The following CA10 variants were observed in gnomAD, a reference collection of about 807,000 sequenced individuals.
CA10 encodes the protein carbonic anhydrase-related protein 10.
CA10 carries 14 observed loss-of-function variants against 44.2 expected under a neutral mutation model. The ratio of observed to expected loss-of-function variants is 0.32; its 90% CI spans 0.21 to 0.50. CA10 has a LOEUF of 0.50. Ranked by LOEUF, CA10 falls within the 20% of genes least tolerant of loss-of-function variation. CA10 has a pLI of 0.99. For synonymous variants in CA10, 159 were observed against 141.6 expected (o/e 1.12, Z -0.87); for missense variants, 350 against 409.7 (o/e 0.85, Z 1.26).
rs58984767 is a variant in CA10, at chr17:52,072,678, T to TACACACACACACACAC, written c.62-301_62-286dup. Among the ~76,000 whole-genome samples the TACACACACACACACAC allele has an allele frequency of 8.6e-3, 1,204 of 140,156 alleles. 24 individuals are homozygous for TACACACACACACACAC. The highest frequency in any genetic ancestry group is 0.03 in the African/African-American group (1,107 of 37,136). 91.9% of individuals were successfully genotyped at this position (140,156 alleles called of 152,430 possible). A position where few individuals can be genotyped will look rare whatever the true frequency, so the allele number is the denominator to read the frequency against. On this transcript the variant is annotated intron_variant, in intron 1 of 8. Transcript: ENST00000451037. ...CTACCTGTCCTCATCATCTTCCCCATACACACACACACACACACACACACA... is the reference window on the plus strand; with the variant it reads ...CTACCTGTCCTCATCATCTTCCCCATACACACACACACACACACACACACACACACACACACACACA...
intron 3 of CA10, among the ~76,000 whole-genome samples, chr17:51,898,117 T>A (rs1250139094): frequency 1.3e-5 from 2 of 152,154 alleles, no homozygotes; most frequent in African/African-American, 2.4e-5. Context: ...ATAGAAGTGG[T>A]GAGGCTGGAC....
At chr17:51,922,958 A>G (rs935511236) in intron 3 of CA10, among the ~76,000 whole-genome samples, 3 of 152,210 alleles carry the variant, frequency 2.0e-5, no homozygotes, top group African/African-American at 7.2e-5. Flanking sequence ...TCTCCTGGAA[A>G]GGATATAATT....
chr17:52,010,400 A>G (rs1353187622), intron 2 of CA10, among the ~76,000 whole-genome samples: 5 of 151,986 alleles, frequency 3.3e-5, no homozygotes, highest in African/African-American at 7.2e-5. Context: ...GTGTGTGTGT[A>G]TGTGTATGTA....
intron 2 of CA10, among the ~76,000 whole-genome samples, chr17:52,034,548 G>T (rs994934729): frequency 6.6e-6 from 1 of 152,150 alleles, no homozygotes; most frequent in African/African-American, 2.4e-5. Context: ...ATCTGATAGA[G>T]CTGGGGGATG....
chr17:51,762,234 T>C (rs1304172374), intron 3 of CA10: 1 of 152,274 alleles, frequency 6.6e-6, no homozygotes, highest in Admixed American at 6.5e-5. Flanking sequence ...GGTGAGCTGC[T>C]GTATTGGCTG....
chr17:51,674,770 C>T (rs1914556662), intron 4 of CA10, among the ~76,000 whole-genome samples: 2 of 152,114 alleles, frequency 1.3e-5, no homozygotes, highest in African/African-American at 4.8e-5. Flanking sequence ...GCCGTGGACT[C>T]AGGATTGAAG....
intron 4 of CA10, among the ~76,000 whole-genome samples, chr17:51,694,668 C>T (rs939017700): frequency 5.3e-5 from 8 of 152,024 alleles, no homozygotes; most frequent in African/African-American, 1.9e-4. Context: ...TTCGGTCCCA[C>T]TTGTCAATTT....
chr17:52,150,164 C>G (rs1445974375), intron 1 of CA10, among the ~76,000 whole-genome samples: 1 of 152,138 alleles, frequency 6.6e-6, no homozygotes, highest in Non-Finnish European at 1.5e-5. Flanking sequence ...GATCATCCAT[C>G]TCTCATCACA....
At chr17:52,081,771 G>A (rs955850946) in intron 1 of CA10, among the ~76,000 whole-genome samples, 13 of 136,436 alleles carry the variant, frequency 9.5e-5, no homozygotes, top group Admixed American at 3.4e-4. Context: ...CTGCACTCCA[G>A]CCTGGGCGAC....
chr17:51,799,598 T>C lies in CA10; in HGVS notation c.280-51780A>G, dbSNP rs143923962. Among the ~76,000 whole-genome samples the C allele has an allele frequency of 6.6e-4, 101 of 152,276 alleles. 3 individuals are homozygous for C. In the East Asian group the frequency reaches 0.015, roughly 23 times the overall value. On this transcript the variant is annotated intron_variant, in intron 3 of 8. Coordinates refer to ENST00000451037, the MANE Select transcript of CA10 (RefSeq NM_020178.5). The stretch of plus-strand genomic sequence containing the variant: ...AAGGAGAGAGTGCTACCAAATTATG[T>C]GGCAAAGAGTATGAAAATAGAATAC...
At chr17:51,722,180 T>TATA (rs945234488) in intron 4 of CA10, among the ~76,000 whole-genome samples, 8 of 152,130 alleles carry the variant, frequency 5.3e-5, no homozygotes, top group South Asian at 2.1e-4. Flanking sequence ...TTAAAAAACA[T>TATA]ATAATAATAA....
At chr17:51,759,082 C>A (rs2143632857) in intron 3 of CA10, among the ~76,000 whole-genome samples, 2 of 152,310 alleles carry the variant, frequency 1.3e-5, no homozygotes, top group Middle Eastern at 3.4e-3. Context: ...CGGCTTTAAA[C>A]CTTAGCCCAC....
chr17:51,818,016 T>C (rs967094754), intron 3 of CA10, among the ~76,000 whole-genome samples: 1 of 152,246 alleles, frequency 6.6e-6, no homozygotes, highest in Non-Finnish European at 1.5e-5. Flanking sequence ...TATCATCATC[T>C]GACTGCCTTT....
chr17:51,871,436 C>T (rs914461830), intron 3 of CA10, among the ~76,000 whole-genome samples: 1 of 123,356 alleles, frequency 8.1e-6, no homozygotes, highest in South Asian at 2.7e-4. Context: ...GACGGGGCTT[C>T]ACCATGTTGG....
intron 2 of CA10, among the ~76,000 whole-genome samples, chr17:52,034,430 G>A (rs1986557839): frequency 6.6e-6 from 1 of 152,166 alleles, no homozygotes; most frequent in African/African-American, 2.4e-5. Flanking sequence ...AGGTAGAAAA[G>A]TAAAGAAGAG....
intron 4 of CA10, among the ~76,000 whole-genome samples, chr17:51,700,394 C>T (rs532835198): frequency 5.3e-5 from 8 of 152,158 alleles, no homozygotes; most frequent in Non-Finnish European, 1.2e-4. Context: ...TGACAAGACC[C>T]CTGGGTTTTG....
In CA10 at chr17:51,631,579, G is replaced by T. The variant is rs775075250; in HGVS notation, c.*5C>A. The T allele has an allele frequency of 2.6e-5, 42 of 1,612,128 alleles. No homozygotes were observed. The highest frequency in any genetic ancestry group is 1.2e-4 in the Admixed American group (7 of 59,950). ...CTGAGGTGGGATTCTTCTTGGCTTTGTTCCCTACTTGAGGAGCCATTCATT... is the reference window on the plus strand; with the variant it reads ...CTGAGGTGGGATTCTTCTTGGCTTTTTTCCCTACTTGAGGAGCCATTCATT... On this transcript the variant is annotated 3_prime_UTR_variant, in exon 9 of 9. Transcript: ENST00000451037.
intron 4 of CA10, among the ~76,000 whole-genome samples, chr17:51,668,843 G>T (rs904903923): frequency 9.2e-5 from 14 of 152,194 alleles, no homozygotes; most frequent in Admixed American, 6.5e-5. Flanking sequence ...GTGGGCGTGG[G>T]CTCAGCGCGC....
chr17:51,948,202 C>G (rs183455459), intron 2 of CA10, among the ~76,000 whole-genome samples: 1 of 152,134 alleles, frequency 6.6e-6, no homozygotes, highest in Non-Finnish European at 1.5e-5. Flanking sequence ...CTTTTCTACA[C>G]TCCGCCTGTA....
Sources: allele counts gnomAD v4.1 joint callset (sites outside exome capture counted in the v4.1 genomes callset), GRCh38; gene constraint gnomAD v4.1.1; transcripts MANE v1.5; gene names NCBI Gene and HGNC (gene_info 2026-07-23, HGNC 2026-07-21).